FBXO34: variants seen among roughly 807,000 people sequenced by gnomAD.
The protein encoded by FBXO34 is F-box only protein 34.
A neutral mutation model predicts 24.5 loss-of-function variants in FBXO34; 12 were observed. That is an observed-to-expected ratio of 0.49 (90% CI 0.31 to 0.79). The LOEUF is 0.79. FBXO34 is among the 30% of genes least tolerant of loss of function. The probability of loss-of-function intolerance (pLI) is 0.04; values close to 1 mark genes in which losing one functional copy is unlikely to be tolerated. For missense variants in FBXO34, 823 were observed against 857.7 expected, an observed-to-expected ratio of 0.96 and a Z score of 0.51; for synonymous variants, 320 against 311.9, an observed-to-expected ratio of 1.03 and a Z score of -0.27.
intron 1 of FBXO34, among the ~76,000 whole-genome samples, chr14:55,318,423 C>CTTT (rs35433368): frequency 3.9e-4 from 5 of 12,910 alleles, no homozygotes; most frequent in Non-Finnish European, 5.3e-4. Context: ...CAGTCAGTAA[C>CTTT]TTTTTTTTTT....
downstream of FBXO34, among the ~76,000 whole-genome samples, chr14:55,362,166 C>T (rs1594771704): frequency 1.3e-5 from 2 of 152,032 alleles, no homozygotes; most frequent in Admixed American, 6.6e-5. Context: ...ATAATTGGCC[C>T]GATTTCAATA....
the FBXO34 span, among the ~76,000 whole-genome samples, chr14:55,412,550 T>G: frequency 1.1e-4 from 17 of 152,306 alleles, no homozygotes; most frequent in Admixed American, 2.0e-4. Context: ...CCCTTCAAGT[T>G]TCTTTTGGTG....
At chr14:55,433,241 A>C in the FBXO34 span, among the ~76,000 whole-genome samples, 1 of 149,948 alleles carries the variant, frequency 6.7e-6, no homozygotes, top group Admixed American at 6.6e-5. Context: ...TGATCCTCCC[A>C]CCTCAGCTTC....
At chr14:55,420,371 G>T in the FBXO34 span, among the ~76,000 whole-genome samples, 1 of 152,160 alleles carries the variant, frequency 6.6e-6, no homozygotes, top group African/African-American at 2.4e-5. Context: ...ATCCATTTGC[G>T]GGTGAAAAGA....
intron 1 of FBXO34, among the ~76,000 whole-genome samples, chr14:55,296,427 G>T (rs147247088): frequency 1.7e-5 from 2 of 115,770 alleles, no homozygotes; most frequent in African/African-American, 3.4e-5. Flanking sequence ...AGACAGTCTC[G>T]CTCTGTCGCC....
chr14:55,371,680 T>G (rs1049410748), downstream of FBXO34, among the ~76,000 whole-genome samples: 8 of 152,130 alleles, frequency 5.3e-5, no homozygotes, highest in African/African-American at 1.9e-4. Context: ...GGCGGGCACC[T>G]GTAGTCCCGG....
At chr14:55,422,686 T>C in the FBXO34 span, among the ~76,000 whole-genome samples, 1 of 152,060 alleles carries the variant, frequency 6.6e-6, no homozygotes, top group African/African-American at 2.4e-5. Context: ...ACCCCATCTC[T>C]TCGAAAAATA....
chr14:55,350,251 G>A lies in FBXO34; in HGVS notation c.-10-130G>A, dbSNP rs1348898637. 4.7e-5 allele frequency: 28 copies of A among 589,488 alleles called. No homozygotes were observed. In the East Asian group the frequency reaches 8.1e-4, roughly 17 times the overall value. 36.5% of individuals were successfully genotyped at this position (589,488 alleles called of 1,614,324 possible). Reference sequence around the variant, plus strand: ...AGTAAAAACTATCATGAGAGAGTTGGTAAAGATTTAATGAACTGGTAGAAC... The same window carrying A: ...AGTAAAAACTATCATGAGAGAGTTGATAAAGATTTAATGAACTGGTAGAAC... On this transcript the variant is annotated intron_variant, in intron 1 of 1. Transcript: ENST00000313833.
intron 1 of FBXO34, among the ~76,000 whole-genome samples, chr14:55,337,427 A>G (rs1210948315): frequency 6.6e-6 from 1 of 152,250 alleles, no homozygotes; most frequent in Non-Finnish European, 1.5e-5. Context: ...TAGTTGTACC[A>G]GCCTTACTCT....
chr14:55,421,044 GA>G, the FBXO34 span, among the ~76,000 whole-genome samples: 1 of 135,066 alleles, frequency 7.4e-6, no homozygotes, highest in Non-Finnish European at 1.6e-5. Context: ...CTGGGCAAAA[GA>G]GTGAGAATCT....
downstream of FBXO34, among the ~76,000 whole-genome samples, chr14:55,363,949 CTT>C (rs201533127): frequency 4.8e-5 from 7 of 147,340 alleles, no homozygotes; most frequent in Admixed American, 6.8e-5. Flanking sequence ...TGCCAATTTT[CTT>C]TTTTTTTTTT....
the FBXO34 span, among the ~76,000 whole-genome samples, chr14:55,402,927 ATATATATATAT>A: frequency 1.1e-4 from 1 of 8,918 alleles, no homozygotes; most frequent in African/African-American, 6.6e-4. Flanking sequence ...AAAAAAAAAA[ATATATATATAT>A]ATATATATAT....
the FBXO34 span, among the ~76,000 whole-genome samples, chr14:55,421,825 A>G: frequency 6.6e-6 from 1 of 152,206 alleles, no homozygotes; most frequent in East Asian, 1.9e-4. Flanking sequence ...TACAACTCAG[A>G]GTTATAAAAG....
At chr14:55,381,654 C>G in the FBXO34 span, among the ~76,000 whole-genome samples, 1 of 152,186 alleles carries the variant, frequency 6.6e-6, no homozygotes, top group African/African-American at 2.4e-5. Context: ...ACACAAAAAG[C>G]TATATGTTCT....
At chr14:55,298,909 C>T in intron 1 of FBXO34, 3 of 1,583,472 alleles carry the variant, frequency 1.9e-6, no homozygotes, top group Middle Eastern at 1.7e-4. Flanking sequence ...AATGCCAACA[C>T]CAATACCGAG....
At chr14:55,302,681 G>C (rs1273676837) in intron 1 of FBXO34, among the ~76,000 whole-genome samples, 1 of 151,946 alleles carries the variant, frequency 6.6e-6, no homozygotes, top group East Asian at 1.9e-4. Flanking sequence ...TTTACTCATA[G>C]ACTCTGTGGC....
At chr14:55,308,782 TA>T (rs1882637789) in intron 1 of FBXO34, among the ~76,000 whole-genome samples, 2 of 152,206 alleles carry the variant, frequency 1.3e-5, no homozygotes, top group Non-Finnish European at 2.9e-5. Flanking sequence ...AGTACCTCTT[TA>T]AATGCTTGAG....
chr14:55,360,019 G>C (rs112789658), intron 3 of FBXO34, among the ~76,000 whole-genome samples: 1 of 152,102 alleles, frequency 6.6e-6, no homozygotes, highest in African/African-American at 2.4e-5. Context: ...CGTCGAGGCT[G>C]CAGTGAGCCA....
intron 1 of FBXO34, among the ~76,000 whole-genome samples, chr14:55,335,565 A>C (rs937681729): frequency 4.6e-5 from 7 of 152,188 alleles, no homozygotes; most frequent in African/African-American, 7.2e-5. Flanking sequence ...CAATTTGGTG[A>C]CTTTTAGGCA....
Sources: allele counts gnomAD v4.1 joint callset (sites outside exome capture counted in the v4.1 genomes callset), GRCh38; gene constraint gnomAD v4.1.1; transcripts MANE v1.5; gene names NCBI Gene and HGNC (gene_info 2026-07-23, HGNC 2026-07-21).